Variants in DCDC1 observed in about 807,000 individuals in gnomAD.
DCDC1 encodes the protein doublecortin domain-containing protein 1.
In DCDC1, 200 loss-of-function variants were observed where a neutral mutation model predicts 178.3. The ratio of observed to expected loss-of-function variants is 1.12; its 90% confidence interval spans 1.00 to 1.26. The LOEUF is 1.26. Among genes scored for constraint, DCDC1 ranks in the 50% most tolerant of loss-of-function variants. DCDC1 has a pLI of 0.00. For synonymous variants in DCDC1, 690 were observed against 604.8 expected (o/e 1.14, Z -2.07); for missense variants, 1,983 against 1,749.2 (o/e 1.13, Z -2.38).
At chr11:31,040,195 A>T (rs1291862988) in intron 20 of DCDC1, among the ~76,000 whole-genome samples, 2 of 152,326 alleles carry the variant, frequency 1.3e-5, no homozygotes, top group East Asian at 3.9e-4. Flanking sequence ...GAGAAAAAAA[A>T]GCAACGGAAT....
rs765332582 is a variant in DCDC1 at position 31,103,721 on chromosome 11, T to C, written c.1800A>G (p.Ala600=). ...CAACCATGATATCACCTCTGGCAAA[T>C]GCACTCACTCGGTCAAAGGTCAAAC... The part of the protein sequence containing the change: ...ALGLTFDRVS[A]FARGDIMVAY... The change falls in exon 14 of 39, where the codon GCA becomes GCG. Residue 600 remains alanine, a synonymous_variant. Coordinates refer to ENST00000684477, the MANE Select transcript of DCDC1 (RefSeq NM_001387274.1). The C allele has an allele frequency of 3.9e-6, 3 of 765,750 alleles. No homozygotes were observed. Among genetic ancestry groups the C allele is most frequent in the Non-Finnish European group, 7.2e-6 (3 of 417,654 alleles). 47.4% of individuals were successfully genotyped at this position (765,750 alleles called of 1,614,324 possible). A position where few individuals can be genotyped will look rare whatever the true frequency, so the allele number is the denominator to read the frequency against.
intron 20 of DCDC1, among the ~76,000 whole-genome samples, chr11:31,015,302 T>A (rs1471132639): frequency 6.6e-6 from 1 of 152,220 alleles, no homozygotes; most frequent in Non-Finnish European, 1.5e-5. Context: ...AGAATTTCCT[T>A]ATTTTGTTAA....
intron 2 of DCDC1, 37 bp downstream of exon 2, chr11:31,335,410 C>A (rs887841930): frequency 2.0e-5 from 3 of 152,278 alleles, no homozygotes; most frequent in African/African-American, 7.2e-5. Flanking sequence ...GGGCTGCACC[C>A]ACTGTCCAAC....
intron 20 of DCDC1, among the ~76,000 whole-genome samples, chr11:30,953,870 AATCTCTT>A (rs1243384648): frequency 6.6e-6 from 1 of 152,072 alleles, no homozygotes; most frequent in African/African-American, 2.4e-5. Flanking sequence ...TATAATAGCA[AATCTCTT>A]GCAAATAAAT....
chr11:31,354,214 A>T (rs2133322143), intron 1 of DCDC1, among the ~76,000 whole-genome samples: 1 of 152,282 alleles, frequency 6.6e-6, no homozygotes, highest in South Asian at 2.1e-4. Flanking sequence ...TGAACCTGGG[A>T]GGCGGAGGTT....
rs1163971508 is a variant in DCDC1, at chr11:31,063,992, T to C, written c.2591+477A>G. ...ATAATTTTTCAGTTGGTTAGCAATA[T>C]CAATGATGTTATTTTTATTCTAGGA... On this transcript the variant is annotated intron_variant, in intron 20 of 38. Coordinates refer to ENST00000684477, the MANE Select transcript of DCDC1 (RefSeq NM_001387274.1). 3.3e-5 allele frequency among the ~76,000 whole-genome samples: 5 copies of C among 152,274 alleles called. No individual in the cohort carries two copies. In the East Asian group the frequency reaches 9.7e-4, roughly 29 times the overall value.
At chr11:31,324,655 C>A (rs1440152863) in intron 3 of DCDC1, among the ~76,000 whole-genome samples, 1 of 152,122 alleles carries the variant, frequency 6.6e-6, no homozygotes, top group East Asian at 1.9e-4. Context: ...CCTTCTGTCA[C>A]TCATTCCACG....
chr11:30,925,486 G>A (rs984000073), intron 22 of DCDC1, 78 bp from the exon 23 acceptor site: 3 of 1,287,528 alleles, frequency 2.3e-6, no homozygotes, highest in South Asian at 1.2e-5. Flanking sequence ...AAGAAATCTG[G>A]GGCCTGAATC....
intron 9 of DCDC1, chr11:31,156,111 G>A (rs1390668762): frequency 6.6e-6 from 1 of 151,954 alleles, no homozygotes; most frequent in Non-Finnish European, 1.5e-5. Flanking sequence ...GCACACCAGA[G>A]GCAAAAACAA....
At position 31,346,461 on chromosome 11, in the gene DCDC1, C is replaced by T. The variant is rs1950818226; in HGVS notation, c.-124-10897G>A. ...CCTGGGCGACAGAAGGAGACTCCGT[C>T]TCAAAAAAAAAAAAAAAAAAAAAAA... On this transcript the variant is annotated intron_variant, in intron 1 of 38. Coordinates refer to ENST00000684477, the MANE Select transcript of DCDC1 (RefSeq NM_001387274.1). Among the ~76,000 whole-genome samples the T allele has an allele frequency of 3.8e-5, 3 of 79,382 alleles. No individual in the cohort carries two copies. In the South Asian group the frequency reaches 1.4e-3, roughly 37 times the overall value. The allele number at this position is 79,382 out of a possible 152,430, so 52.1% of individuals were successfully genotyped here.
chr11:30,995,959 G>C (rs1951243399), intron 20 of DCDC1, among the ~76,000 whole-genome samples: 1 of 152,064 alleles, frequency 6.6e-6, no homozygotes, highest in Non-Finnish European at 1.5e-5. Context: ...CTCTGTGTAA[G>C]CACTTAAGAA....
At chr11:31,271,752 A>G (rs1591601375) in intron 7 of DCDC1, among the ~76,000 whole-genome samples, 3 of 152,330 alleles carry the variant, frequency 2.0e-5, no homozygotes, top group Admixed American at 2.0e-4. Flanking sequence ...TTACCATCCC[A>G]CATGGCTGGA....
At chr11:31,267,411 C>T (rs897266524) in intron 7 of DCDC1, among the ~76,000 whole-genome samples, 1 of 152,110 alleles carries the variant, frequency 6.6e-6, no homozygotes, top group Non-Finnish European at 1.5e-5. Context: ...AGGCTGCTCT[C>T]GAACTCCCAA....
At chr11:31,092,957 A>T (rs1178648815) in intron 16 of DCDC1, among the ~76,000 whole-genome samples, 1 of 152,218 alleles carries the variant, frequency 6.6e-6, no homozygotes, top group Non-Finnish European at 1.5e-5. Context: ...TACTAACCTC[A>T]GTTTCTTCAG....
intron 20 of DCDC1, among the ~76,000 whole-genome samples, chr11:30,983,043 T>A (rs1365269933): frequency 6.6e-6 from 1 of 152,154 alleles, no homozygotes; most frequent in Admixed American, 6.6e-5. Context: ...TCTACAGCTG[T>A]GTTGGAAAAT....
At position 30,985,394 on chromosome 11, in the gene DCDC1, C is replaced by A. The variant is rs1950589276; in HGVS notation, c.2592-32826G>T. On this transcript the variant is annotated intron_variant, in intron 20 of 38. Transcript: ENST00000684477. Reference sequence around the variant, plus strand: ...TTTTTATTATAGAACTAATGATAATCATGTTAAAACACTGCAGTATGTTGA... The same window carrying A: ...TTTTTATTATAGAACTAATGATAATAATGTTAAAACACTGCAGTATGTTGA... Among the ~76,000 whole-genome samples the A allele has an allele frequency of 2.6e-5, 4 of 152,106 alleles. No individual in the cohort carries two copies. In the South Asian group the frequency reaches 8.3e-4, roughly 32 times the overall value.
intron 9 of DCDC1, among the ~76,000 whole-genome samples, chr11:31,145,725 C>T (rs940882821): frequency 6.6e-6 from 1 of 152,174 alleles, no homozygotes; most frequent in African/African-American, 2.4e-5. Flanking sequence ...ACGTGATTCT[C>T]AGCTGAACTC....
chr11:31,212,702 G>A (rs1253982154), intron 9 of DCDC1, among the ~76,000 whole-genome samples: 1 of 152,160 alleles, frequency 6.6e-6, no homozygotes. Flanking sequence ...TGGATACAAT[G>A]TAAATAGGCT....
intron 9 of DCDC1, among the ~76,000 whole-genome samples, chr11:31,162,857 T>C (rs1281303405): frequency 6.6e-6 from 1 of 152,208 alleles, no homozygotes; most frequent in African/African-American, 2.4e-5. Context: ...TACCTATACA[T>C]GTTTAAGGCA....
Sources: allele counts gnomAD v4.1 joint callset (sites outside exome capture counted in the v4.1 genomes callset), GRCh38; gene constraint gnomAD v4.1.1; transcripts MANE v1.5; gene names NCBI Gene and HGNC (gene_info 2026-07-23, HGNC 2026-07-21).